The following ZNF131 variants were observed in gnomAD, a reference collection of about 807,000 sequenced individuals.
The protein encoded by ZNF131 is zinc finger and BTB domain containing 35.
A neutral mutation model predicts 60.0 loss-of-function variants in ZNF131; 7 were observed. That is an observed-to-expected ratio of 0.12 (90% confidence interval 0.07 to 0.22). The LOEUF (loss-of-function observed/expected upper bound fraction) is 0.22. Among genes scored for constraint, ZNF131 ranks in the 10% least tolerant of loss-of-function variants. The pLI is 1.00. For missense variants in ZNF131, 493 were observed against 740.9 expected (o/e 0.67, Z 3.88); for synonymous variants, 257 against 253.2 (o/e 1.01, Z -0.14).
At chr5:43,132,557 C>T (rs1259105902) in intron 3 of ZNF131, among the ~76,000 whole-genome samples, 2 of 140,280 alleles carry the variant, frequency 1.4e-5, no homozygotes, top group Non-Finnish European at 3.0e-5. Flanking sequence ...ATTGCCCAGC[C>T]TAGATTGCAG....
At chr5:43,141,062 A>G (rs1019139558) in intron 4 of ZNF131, among the ~76,000 whole-genome samples, 41 of 152,176 alleles carry the variant, frequency 2.7e-4, no homozygotes, top group Admixed American at 2.2e-3. Flanking sequence ...AGATAACTCT[A>G]AGAATACTGA....
chr5:43,147,134 A>G (rs1747687848), intron 4 of ZNF131, among the ~76,000 whole-genome samples: 1 of 152,078 alleles, frequency 6.6e-6, no homozygotes, highest in South Asian at 2.1e-4. Context: ...AGATTTGTCC[A>G]GGTGGTTGTG....
At chr5:43,138,167 CATT>C (rs1374046951) in intron 3 of ZNF131, among the ~76,000 whole-genome samples, 1 of 152,158 alleles carries the variant, frequency 6.6e-6, no homozygotes, top group African/African-American at 2.4e-5. Flanking sequence ...GTCTGTACAA[CATT>C]GTACCTAGAG....
intron 5 of ZNF131, among the ~76,000 whole-genome samples, chr5:43,164,165 T>C (rs1408649007): frequency 1.3e-5 from 2 of 152,226 alleles, no homozygotes; most frequent in Non-Finnish European, 2.9e-5. Context: ...TGCATCCACT[T>C]ACATGCAGAT....
intron 5 of ZNF131, among the ~76,000 whole-genome samples, chr5:43,170,796 C>G (rs1264911795): frequency 9.8e-6 from 1 of 101,638 alleles, no homozygotes; most frequent in South Asian, 4.2e-4. Flanking sequence ...CCATGCCCAG[C>G]TAATTTTTTT....
At chr5:43,172,474 T>A (rs1391778076) in intron 5 of ZNF131, among the ~76,000 whole-genome samples, 1 of 152,084 alleles carries the variant, frequency 6.6e-6, no homozygotes, top group African/African-American at 2.4e-5. Flanking sequence ...TACAAAAAAA[T>A]AGCCGGGCGT....
intron 4 of ZNF131, among the ~76,000 whole-genome samples, chr5:43,157,772 A>G (rs1259786756): frequency 6.6e-6 from 1 of 152,180 alleles, no homozygotes; most frequent in East Asian, 1.9e-4. Context: ...CAAGACACTA[A>G]GGGGAGCATC....
chr5:43,171,551 T>C (rs1750995297), intron 5 of ZNF131, among the ~76,000 whole-genome samples: 2 of 151,946 alleles, frequency 1.3e-5, no homozygotes, highest in Non-Finnish European at 1.5e-5. Context: ...AGAGCGAAAC[T>C]CCGTCTGAAA....
At chr5:43,146,603 TAAC>T (rs1303573893) in intron 4 of ZNF131, among the ~76,000 whole-genome samples, 2 of 151,198 alleles carry the variant, frequency 1.3e-5, no homozygotes. Context: ...TCAACAACAA[TAAC>T]AACAAAAAAC....
intron 3 of ZNF131, among the ~76,000 whole-genome samples, chr5:43,130,005 C>T (rs1164067024): frequency 6.6e-6 from 1 of 151,128 alleles, no homozygotes; most frequent in Non-Finnish European, 1.5e-5. Context: ...GTGGCTCATG[C>T]CTGTAATCCC....
chr5:43,123,788 G>A (rs1744167307), intron 3 of ZNF131: 1 of 152,388 alleles, frequency 6.6e-6, no homozygotes, highest in Non-Finnish European at 1.5e-5. Flanking sequence ...GAGAAAGCTA[G>A]GAAAAATGAA....
intron 3 of ZNF131, among the ~76,000 whole-genome samples, chr5:43,135,708 G>T (rs183570018): frequency 6.6e-6 from 1 of 152,164 alleles, no homozygotes; most frequent in Non-Finnish European, 1.5e-5. Context: ...GCGACAGAGC[G>T]AGACTCCGTC....
At chr5:43,143,592 A>T (rs1390435766) in intron 4 of ZNF131, 3 of 279,310 alleles carry the variant, frequency 1.1e-5, no homozygotes, top group Non-Finnish European at 2.0e-5. Context: ...AATTCTGTAC[A>T]GTCTACATTT....
At position 43,143,552 on chromosome 5, in the gene ZNF131, T is replaced by C. The variant is rs1438258434; in HGVS notation, c.371+4243T>C. On this transcript the variant is annotated intron_variant, in intron 4 of 6. Transcript: ENST00000682664. ...TTATTGTTGTTACTGGTTTAGTGACTTTCCTGGACTTCTGTAATCCCTTTC... is the reference window on the plus strand; with the variant it reads ...TTATTGTTGTTACTGGTTTAGTGACCTTCCTGGACTTCTGTAATCCCTTTC... The C allele has an allele frequency of 2.1e-5, 9 of 437,534 alleles. No homozygotes were observed. In the East Asian group the frequency reaches 5.1e-4, roughly 25 times the overall value. 27.1% of individuals were successfully genotyped at this position (437,534 alleles called of 1,614,324 possible).
At position 43,123,372 on chromosome 5, in the gene ZNF131, T is replaced by G. The variant is rs1579690726; in HGVS notation, c.226+62T>G. ...AAAGAAGCCATTTTATTTAAATGCT[T>G]GTTTTAAATACAATACTTAGCAAAC... On this transcript the variant is annotated intron_variant, in intron 3 of 6. Coordinates refer to ENST00000682664, the MANE Select transcript of ZNF131 (RefSeq NM_001330707.2). 3 of 1,385,016 alleles carry G rather than the reference T, an allele frequency of 2.2e-6. No individual in the cohort carries two copies. In the East Asian group the frequency reaches 7.0e-5, roughly 32 times the overall value. The allele number at this position is 1,385,016 out of a possible 1,614,324, so 85.8% of individuals were successfully genotyped here. A position where few individuals can be genotyped will look rare whatever the true frequency, so the allele number is the denominator to read the frequency against.
intron 4 of ZNF131, among the ~76,000 whole-genome samples, chr5:43,146,256 C>T (rs947240875): frequency 3.3e-5 from 5 of 152,128 alleles, no homozygotes; most frequent in African/African-American, 9.7e-5. Context: ...AAATTAGGAC[C>T]TCATTTTGCT....
intron 4 of ZNF131, 87 bp from the exon 5 acceptor site, chr5:43,161,162 A>G (rs1055676204): frequency 4.0e-6 from 5 of 1,235,748 alleles, no homozygotes; most frequent in South Asian, 1.5e-5. Flanking sequence ...GTTTATATAA[A>G]TTTTATTGCC....
At chr5:43,155,952 T>G (rs1238709105) in intron 4 of ZNF131, among the ~76,000 whole-genome samples, 1 of 152,044 alleles carries the variant, frequency 6.6e-6, no homozygotes, top group East Asian at 1.9e-4. Flanking sequence ...ATATATAACA[T>G]AAACTAGACA....
At chr5:43,169,462 A>G (rs1011014140) in intron 5 of ZNF131, among the ~76,000 whole-genome samples, 3 of 152,200 alleles carry the variant, frequency 2.0e-5, no homozygotes, top group Non-Finnish European at 2.9e-5. Context: ...CATTCCTTGC[A>G]TTTTCAGGTA....
Sources: gnomAD v4.1 joint callset for allele counts (sites outside exome capture counted in the v4.1 genomes callset) on GRCh38, gnomAD v4.1.1 for gene constraint, MANE v1.5 for transcripts, NCBI Gene and HGNC (gene_info 2026-07-23, HGNC 2026-07-21) for gene names.